The following PCDHA10 variants were observed in gnomAD, a reference collection of about 807,000 sequenced individuals.
PCDHA10 encodes the protein protocadherin alpha-10.
In PCDHA10, 45 loss-of-function variants were observed where a neutral mutation model predicts 61.2. That is an observed-to-expected ratio of 0.74 (90% CI 0.58 to 0.94). PCDHA10 has a LOEUF of 0.94. Ranked by LOEUF, PCDHA10 falls within the 40% of genes least tolerant of loss-of-function variation. PCDHA10 has a pLI of 0.00. For synonymous variants in PCDHA10, 602 were observed against 548.8 expected (o/e 1.10, Z -1.35); for missense variants, 1,278 against 1,236.2 (o/e 1.03, Z -0.51).
intron 1 of PCDHA10, chr5:140,875,439 G>C (rs375983329): frequency 3.8e-6 from 6 of 1,569,382 alleles, no homozygotes; most frequent in East Asian, 2.3e-5. Flanking sequence ...CCTTAAAACT[G>C]ATTGTCCCAA....
chr5:140,889,067 C>T (rs1169049844), intron 1 of PCDHA10, among the ~76,000 whole-genome samples: 1 of 151,942 alleles, frequency 6.6e-6, no homozygotes, highest in Admixed American at 6.6e-5. Flanking sequence ...TAATATACTA[C>T]TTATTTTGTT....
chr5:140,915,504 T>C (rs1554196920), intron 1 of PCDHA10, among the ~76,000 whole-genome samples: 1 of 152,136 alleles, frequency 6.6e-6, no homozygotes, highest in Non-Finnish European at 1.5e-5. Context: ...AATACTGTGG[T>C]TTTTGCAGAC....
At chr5:140,861,996 G>T (rs988991562) in intron 1 of PCDHA10, 4 of 155,486 alleles carry the variant, frequency 2.6e-5, no homozygotes, top group African/African-American at 9.7e-5. Context: ...AAGGTACACT[G>T]GTTATTAGAC....
At chr5:140,864,302 C>T (rs550549818) in intron 1 of PCDHA10, 1 of 152,214 alleles carries the variant, frequency 6.6e-6, no homozygotes, top group Non-Finnish European at 1.5e-5. Context: ...TTCAAAAATA[C>T]CATGACAATA....
intron 1 of PCDHA10, chr5:140,876,573 C>T (rs2056433061): frequency 6.2e-7 from 1 of 1,614,152 alleles, no homozygotes; most frequent in South Asian, 1.1e-5. Context: ...AGGTGGGTAC[C>T]GTCATTGCCC....
chr5:140,967,368 A>G (rs2096133589), intron 1 of PCDHA10: 1 of 1,607,738 alleles, frequency 6.2e-7, no homozygotes, highest in Non-Finnish European at 8.5e-7. Flanking sequence ...AAGCCCCTGC[A>G]GGAGAACAGT....
chr5:140,994,358 G>A (rs2097616894), intron 3 of PCDHA10, among the ~76,000 whole-genome samples: 1 of 152,162 alleles, frequency 6.6e-6, no homozygotes, highest in Admixed American at 6.5e-5. Flanking sequence ...GACCTCAGAA[G>A]ATGGAATTGG....
At chr5:140,915,861 G>A (rs2077339820) in intron 1 of PCDHA10, among the ~76,000 whole-genome samples, 1 of 152,182 alleles carries the variant, frequency 6.6e-6, no homozygotes, top group African/African-American at 2.4e-5. Flanking sequence ...AGCCAAGTTT[G>A]CATCCTTCCC....
chr5:141,006,789 CT>C (rs2098288759), intron 3 of PCDHA10, among the ~76,000 whole-genome samples: 2 of 152,026 alleles, frequency 1.3e-5, no homozygotes, highest in Admixed American at 6.5e-5. Flanking sequence ...GAATAATTAG[CT>C]TTGAACTTTC....
rs557916636 is a variant in PCDHA10, at chr5:141,000,518, C to G, written c.2537-9109C>G. The stretch of plus-strand genomic sequence containing the variant: ...TCTCGGCTCACTGCAACCTCCTTCT[C>G]CAGGGTTCAAGTGATTCTCATGCCT... On this transcript the variant is annotated intron_variant, in intron 3 of 3. Transcript: ENST00000307360. Among the ~76,000 whole-genome samples the G allele has an allele frequency of 6.9e-4, 100 of 144,062 alleles. 3 individuals are homozygous for G. In the South Asian group the frequency reaches 0.021, roughly 31 times the overall value. 94.5% of individuals were successfully genotyped at this position (144,062 alleles called of 152,430 possible). A position where few individuals can be genotyped will look rare whatever the true frequency, so the allele number is the denominator to read the frequency against.
rs782426631 is a variant in PCDHA10, at chr5:140,982,476, T to C, written c.2449T>C (p.Ser817Pro). Residue 817 changes from serine (S) to proline (P), a missense_variant and splice_region_variant, in exon 3 of 4, where the codon TCT becomes CCT. By Grantham distance (74) the Ser-to-Pro change is moderately conservative. Transcript: ENST00000307360. ...ATCTGGGTCTGTGTGTTTATTCAGC[T>C]CTGTGCACCTAGAGGAGGCTGGCAT... ...SASLRAGMHS[S>P]VHLEEAGILR... 3 of 1,614,064 alleles carry C rather than the reference T, an allele frequency of 1.9e-6. No homozygotes were observed. The highest frequency in any genetic ancestry group is 1.6e-4 in the Middle Eastern group (1 of 6,082).
chr5:140,980,359 C>T (rs369647369), intron 2 of PCDHA10, among the ~76,000 whole-genome samples: 1 of 152,114 alleles, frequency 6.6e-6, no homozygotes. Context: ...GGACTGGGCG[C>T]GGTGGCTCAC....
Position 140,856,075 on chromosome 5 carries a change from G to T in PCDHA10, c.27G>T (p.Gly9=). 2 of 1,593,334 alleles carry T rather than the reference G, an allele frequency of 1.3e-6. 1 individual carries two copies. The highest frequency in any genetic ancestry group is 1.7e-6 in the Non-Finnish European group (2 of 1,164,466). Reference sequence around the variant, plus strand: ...TGGTTTCCAGATGTAGCTGCCTGGGGGTCCAGTGTCTGCTGCTCTCGCTTC... The same window carrying T: ...TGGTTTCCAGATGTAGCTGCCTGGGTGTCCAGTGTCTGCTGCTCTCGCTTC... MVSRCSCL[G]VQCLLLSLLL... Residue 9 remains glycine (G), a synonymous_variant, in exon 1 of 4, where the codon GGG becomes GGT. Transcript: ENST00000307360.
intron 1 of PCDHA10, chr5:140,883,145 T>C (rs2059462627): frequency 6.2e-7 from 1 of 1,613,988 alleles, no homozygotes; most frequent in Admixed American, 1.7e-5. Context: ...GGTATATGCA[T>C]TTACCATAAA....
chr5:140,870,420 G>A (rs371557347), intron 1 of PCDHA10: 9 of 1,614,234 alleles, frequency 5.6e-6, no homozygotes, highest in Admixed American at 1.7e-5. Context: ...CCACGGCCAG[G>A]GTATCCGTGG....
At chr5:140,966,758 C>T in intron 1 of PCDHA10, 1 of 1,445,334 alleles carries the variant, frequency 6.9e-7, no homozygotes, top group South Asian at 1.5e-5. Flanking sequence ...TCCGCCGCGG[C>T]CAGTGGCTAT....
chr5:140,862,649 C>T, intron 1 of PCDHA10: 1 of 543,104 alleles, frequency 1.8e-6, no homozygotes, highest in East Asian at 5.0e-5. Context: ...ACAGTGTCCG[C>T]GCGGGACCGG....
chr5:140,877,015 G>T lies in PCDHA10; in HGVS notation c.2388+18579G>T, dbSNP rs371309003. The T allele has an allele frequency of 1.6e-5, 26 of 1,612,358 alleles. No individual in the cohort carries two copies. Among genetic ancestry groups the T allele is most frequent in the African/African-American group, 4.0e-5 (3 of 74,900 alleles). On this transcript the variant is annotated intron_variant, in intron 1 of 3. Transcript: ENST00000307360. The stretch of plus-strand genomic sequence containing the variant: ...CTACGTGTCGGTGCACGCGGAGAGC[G>T]GCAAGGTGTACGCGCTGCAGCCGCT...
At position 141,011,407 on chromosome 5, in the gene PCDHA10, G is replaced by A. The variant is rs782613069; in HGVS notation, c.*1470G>A. On this transcript the variant is annotated 3_prime_UTR_variant, in exon 4 of 4. Coordinates refer to ENST00000307360, the MANE Select transcript of PCDHA10 (RefSeq NM_018901.4). ...TGAAATATACTTACTCTGTGCTTGT[G>A]TATGTGAATGTTAATGCAACTATTA... is the stretch of plus-strand genomic sequence containing the variant. The A allele has an allele frequency of 2.0e-5, 3 of 153,718 alleles. No individual in the cohort carries two copies. The highest frequency in any genetic ancestry group is 6.5e-5 in the Admixed American group (1 of 15,284). The allele number at this position is 153,718 out of a possible 1,614,324, so 9.5% of individuals were successfully genotyped here.
Sources: allele counts gnomAD v4.1 joint callset (sites outside exome capture counted in the v4.1 genomes callset), GRCh38; gene constraint gnomAD v4.1.1; transcripts MANE v1.5; gene names NCBI Gene and HGNC (gene_info 2026-07-23, HGNC 2026-07-21).